The following GDA variants were observed in gnomAD, a reference collection of about 807,000 sequenced individuals.
The protein encoded by GDA is cytoplasmic PSD-95 interactor.
GDA carries 18 observed loss-of-function variants against 59.6 expected under a neutral mutation model. That is an observed-to-expected ratio of 0.30 (90% CI 0.21 to 0.45). The LOEUF (loss-of-function observed/expected upper bound fraction) is 0.45, where lower values mean the gene tolerates loss of function less well. Among genes scored for constraint, GDA ranks in the 20% least tolerant of loss-of-function variants. The pLI, the probability that GDA is intolerant of heterozygous loss-of-function variation, is 1.00. For missense variants in GDA, 427 were observed against 552.3 expected, an observed-to-expected ratio of 0.77 and a Z score of 2.27; for synonymous variants, 201 against 201.1, an observed-to-expected ratio of 1.00 and a Z score of 0.00.
chr9:72,150,691 C>T lies in GDA; in HGVS notation c.123+1009C>T, dbSNP rs117072007. ...GTCAAGTTGAAGATACTATTCTTGA[C>T]TAAGATGCTACCGAGTCGGTGACAG... is the stretch of plus-strand genomic sequence containing the variant. On this transcript the variant is annotated intron_variant, in intron 1 of 13. Transcript: ENST00000358399. Among the ~76,000 whole-genome samples, 7 of 152,320 alleles carry T rather than the reference C, an allele frequency of 4.6e-5. No individual in the cohort carries two copies. The East Asian group carries it at 1.3e-3, about 29-fold the overall frequency.
chr9:72,233,103 C>G (rs903892534), intron 10 of GDA, among the ~76,000 whole-genome samples: 1 of 152,154 alleles, frequency 6.6e-6, no homozygotes, highest in East Asian at 1.9e-4. Flanking sequence ...ATTTCCTAAA[C>G]GTGACTTTTG....
Position 72,248,322 on chromosome 9 carries a change from C to CCGTTTTCCAGCT in GDA, c.1347_1358dup (p.Phe450_Ser453dup), listed in dbSNP as rs766260037. ...TTATGTGGGCGGAAAGCAGGTGGTT[C>CCGTTTTCCAGCT]CGTTTTCCAGCTCAGTGTAAGACCC... On this transcript the variant is annotated inframe_insertion, in exon 14 of 14. Coordinates refer to ENST00000358399, the MANE Select transcript of GDA (RefSeq NM_004293.5). 1 of 1,613,618 alleles carries CCGTTTTCCAGCT rather than the reference C, an allele frequency of 6.2e-7. No individual in the cohort carries two copies. Among genetic ancestry groups the CCGTTTTCCAGCT allele is most frequent in the Non-Finnish European group, 8.5e-7 (1 of 1,179,714 alleles).
chr9:72,146,065 C>T (rs1221765132), upstream of GDA, among the ~76,000 whole-genome samples: 2 of 149,616 alleles, frequency 1.3e-5, no homozygotes, highest in African/African-American at 5.0e-5. Flanking sequence ...TACAGCACAC[C>T]CACAAACTCA....
intron 1 of GDA, among the ~76,000 whole-genome samples, chr9:72,125,360 CTCTT>C (rs1308486016): frequency 1.5e-5 from 2 of 135,390 alleles, no homozygotes; most frequent in South Asian, 2.8e-4. Context: ...CTCTCTCTCT[CTCTT>C]TCTTTTTCTT....
downstream of GDA, among the ~76,000 whole-genome samples, chr9:72,259,860 T>C (rs989026570): frequency 6.6e-6 from 1 of 152,196 alleles, no homozygotes; most frequent in Admixed American, 6.5e-5. Context: ...TTAATAAATA[T>C]TTGAACAGGT....
chr9:72,128,025 T>C (rs1056321048), intron 1 of GDA, among the ~76,000 whole-genome samples: 4 of 152,360 alleles, frequency 2.6e-5, no homozygotes, highest in Admixed American at 1.3e-4. Context: ...TTTTGCTTAG[T>C]GGTTTCATTT....
At chr9:72,141,877 A>G (rs1034584924) in intron 1 of GDA, among the ~76,000 whole-genome samples, 2 of 152,220 alleles carry the variant, frequency 1.3e-5, no homozygotes, top group Non-Finnish European at 2.9e-5. Flanking sequence ...AGATTCTTCT[A>G]TCTCAAAGCA....
intron 3 of GDA, among the ~76,000 whole-genome samples, chr9:72,205,327 T>G (rs150727653): frequency 5.3e-4 from 80 of 152,212 alleles, no homozygotes; most frequent in African/African-American, 1.9e-3. Context: ...TTGGGTTTCC[T>G]TCCTCCCTTC....
At chr9:72,216,278 G>A (rs1007591289) in intron 5 of GDA, among the ~76,000 whole-genome samples, 1 of 152,152 alleles carries the variant, frequency 6.6e-6, no homozygotes, top group African/African-American at 2.4e-5. Context: ...CAGAACCCAG[G>A]CTGTTCTGAC....
rs1564052710 is a variant in GDA at position 72,205,129 on chromosome 9, A to AT, written c.384+2387_384+2388insT. On this transcript the variant is annotated intron_variant, in intron 3 of 13. Transcript: ENST00000358399. ...CTGTCTCAAAAAAAAAAAAAAAAAA[A>AT]AAATTGCGGAGCACATATCCTATGT... 3.5e-4 allele frequency among the ~76,000 whole-genome samples: 53 copies of AT among 151,576 alleles called. 1 individual carries two copies. The highest frequency in any genetic ancestry group is 1.2e-3 in the African/African-American group (51 of 41,260).
At chr9:72,137,998 A>T (rs886970115) in intron 1 of GDA, among the ~76,000 whole-genome samples, 1 of 152,140 alleles carries the variant, frequency 6.6e-6, no homozygotes, top group Non-Finnish European at 1.5e-5. Flanking sequence ...GGGAGAGTTT[A>T]TCAGAGGCTG....
chr9:72,144,485 G>A (rs565449243), upstream of GDA, among the ~76,000 whole-genome samples: 18 of 152,244 alleles, frequency 1.2e-4, 1 homozygote, highest in East Asian at 3.5e-3. Context: ...TTCCATATAG[G>A]TAAGACAATA....
intron 3 of GDA, among the ~76,000 whole-genome samples, chr9:72,207,492 T>A (rs1331151110): frequency 3.9e-5 from 6 of 152,228 alleles, no homozygotes; most frequent in Non-Finnish European, 8.8e-5. Context: ...TCATTTTATG[T>A]CTCTTGTTGT....
intron 1 of GDA, among the ~76,000 whole-genome samples, chr9:72,194,470 A>G (rs1465305859): frequency 6.6e-6 from 1 of 152,042 alleles, no homozygotes; most frequent in East Asian, 1.9e-4. Context: ...GCTGTGGCTG[A>G]CCCGGTATCC....
intron 12 of GDA, 132 bp from the exon 13 acceptor site, chr9:72,247,274 A>G (rs924859123): frequency 4.2e-6 from 3 of 716,120 alleles, no homozygotes; most frequent in East Asian, 2.6e-5. Context: ...TTCTTTTTTA[A>G]TTAATAGAAG....
At position 72,250,167 on chromosome 9, in the gene GDA, C is replaced by T. The variant is rs569999298; in HGVS notation, c.*1825C>T. On this transcript the variant is annotated 3_prime_UTR_variant, in exon 14 of 14. Transcript: ENST00000358399. Reference sequence around the variant, plus strand: ...AAAAATCTTCAGCTTTATCACTCAACCCCTGCCAAAGGAACTTGATTACAT... The same window carrying T: ...AAAAATCTTCAGCTTTATCACTCAATCCCTGCCAAAGGAACTTGATTACAT... The T allele has an allele frequency of 1.6e-5, 16 of 984,628 alleles. No individual in the cohort carries two copies. The Admixed American group carries it at 8.0e-4, about 49-fold the overall frequency. The allele number at this position is 984,628 out of a possible 1,614,324, so 61.0% of individuals were successfully genotyped here. A position where few individuals can be genotyped will look rare whatever the true frequency, so the allele number is the denominator to read the frequency against.
At chr9:72,153,770 A>G (rs1338799297) in intron 1 of GDA, among the ~76,000 whole-genome samples, 12 of 143,634 alleles carry the variant, frequency 8.4e-5, no homozygotes, top group Non-Finnish European at 1.7e-4. Flanking sequence ...CAATGAGAAC[A>G]CATGGACACA....
At chr9:72,153,950 A>G (rs985953414) in intron 1 of GDA, among the ~76,000 whole-genome samples, 1 of 146,832 alleles carries the variant, frequency 6.8e-6, no homozygotes, top group African/African-American at 2.6e-5. Context: ...GTACCCTAAA[A>G]CTTAAAGTAT....
rs189659652 is a variant in GDA, at chr9:72,200,447, C to G, written c.213-2124C>G. The stretch of plus-strand genomic sequence containing the variant: ...TTCCTCTTCTCCTCCTCTCCTTTTT[C>G]TTTCTCCTCATTTTTCTTCCTCCTC... On this transcript the variant is annotated intron_variant, in intron 2 of 13. Transcript: ENST00000358399. Among the ~76,000 whole-genome samples, 254 of 151,426 alleles carry G rather than the reference C, an allele frequency of 1.7e-3. 3 individuals carry two copies. Among genetic ancestry groups the G allele is most frequent in the African/African-American group, 5.8e-3 (241 of 41,234 alleles).
Sources: allele counts gnomAD v4.1 joint callset (sites outside exome capture counted in the v4.1 genomes callset), GRCh38; gene constraint gnomAD v4.1.1; transcripts MANE v1.5; gene names NCBI Gene and HGNC (gene_info 2026-07-23, HGNC 2026-07-21).